The following PLCH1 variants were observed in gnomAD, a reference collection of about 807,000 sequenced individuals.
The protein encoded by PLCH1 is phospholipase C eta 1.
PLCH1 carries 60 observed loss-of-function variants against 126.7 expected under a neutral mutation model. The observed-to-expected ratio is 0.47, with a 90% CI of 0.38 to 0.59. The LOEUF is 0.59. PLCH1 is among the 20% of genes least tolerant of loss of function. The probability of loss-of-function intolerance (pLI) is 0.00; values close to 1 mark genes in which losing one functional copy is unlikely to be tolerated. For missense variants in PLCH1, 1,723 were observed against 2,040.0 expected (o/e 0.84, Z 2.99); for synonymous variants, 719 against 734.9 (o/e 0.98, Z 0.35).
chr3:155,562,047 C>T (rs960443473), intron 8 of PLCH1, among the ~76,000 whole-genome samples: 58 of 152,324 alleles, frequency 3.8e-4, no homozygotes, highest in African/African-American at 1.4e-3. Context: ...TCCTAAAGTG[C>T]TGGGATTACA....
intron 21 of PLCH1, among the ~76,000 whole-genome samples, chr3:155,463,427 A>T (rs1259174975): frequency 6.6e-6 from 1 of 152,214 alleles, no homozygotes; most frequent in Admixed American, 6.5e-5. Context: ...TACCTAGCCC[A>T]GACTAGATGT....
At chr3:155,560,060 T>C (rs1577011440) in intron 8 of PLCH1, among the ~76,000 whole-genome samples, 1 of 152,046 alleles carries the variant, frequency 6.6e-6, no homozygotes, top group South Asian at 2.1e-4. Flanking sequence ...TTTGGACAGG[T>C]AAACCAAAAA....
intron 1 of PLCH1, among the ~76,000 whole-genome samples, chr3:155,714,136 G>A (rs913767492): frequency 6.6e-6 from 1 of 152,160 alleles, no homozygotes; most frequent in African/African-American, 2.4e-5. Context: ...CTGACATAAC[G>A]TATGTTTGGG....
At chr3:155,545,020 C>T (rs1725009303) in intron 10 of PLCH1, among the ~76,000 whole-genome samples, 5 of 147,808 alleles carry the variant, frequency 3.4e-5, no homozygotes, top group African/African-American at 1.2e-4. Context: ...TAGCAGAAGG[C>T]AAGAAATAAC....
At chr3:155,537,210 A>C (rs1402581864) in intron 10 of PLCH1, among the ~76,000 whole-genome samples, 45 of 6,738 alleles carry the variant, frequency 6.7e-3, no homozygotes, top group East Asian at 0.027. Flanking sequence ...ACCAAAAAAA[A>C]AAAAAAAAAA....
intron 2 of PLCH1, among the ~76,000 whole-genome samples, chr3:155,697,691 G>C (rs935134490): frequency 1.5e-4 from 23 of 152,326 alleles, no homozygotes; most frequent in African/African-American, 5.5e-4. Flanking sequence ...GCAGGAGCCA[G>C]ACAGTTGCCC....
chr3:155,554,243 T>A, intron 8 of PLCH1, 47 bp from the exon 9 acceptor site: 1 of 1,580,662 alleles, frequency 6.3e-7, no homozygotes, highest in Non-Finnish European at 8.6e-7. Context: ...TCTCTGGTGT[T>A]TATTAATATT....
At chr3:155,500,044 T>C (rs1296671450) in intron 14 of PLCH1, among the ~76,000 whole-genome samples, 3 of 152,118 alleles carry the variant, frequency 2.0e-5, no homozygotes, top group African/African-American at 7.2e-5. Flanking sequence ...CTAATATATA[T>C]AATTTATATT....
At chr3:155,613,634 C>T (rs1735421812) in intron 2 of PLCH1, among the ~76,000 whole-genome samples, 2 of 152,058 alleles carry the variant, frequency 1.3e-5, no homozygotes, top group African/African-American at 2.4e-5. Context: ...GCAAAACTGC[C>T]GTAGAAGGGA....
intron 2 of PLCH1, among the ~76,000 whole-genome samples, chr3:155,623,563 T>C (rs1229868653): frequency 6.6e-6 from 1 of 152,046 alleles, no homozygotes; most frequent in East Asian, 1.9e-4. Context: ...TAATAAAAAA[T>C]GATAAAGGGG....
intron 2 of PLCH1, among the ~76,000 whole-genome samples, chr3:155,703,929 GA>G (rs1458511629): frequency 6.6e-6 from 1 of 152,176 alleles, no homozygotes; most frequent in African/African-American, 2.4e-5. Context: ...AATAGAAAGA[GA>G]TAACACTATT....
rs1229612923 is a variant in PLCH1, at chr3:155,588,981, G to A, written c.471-2787C>T. Among the ~76,000 whole-genome samples, 5 of 152,186 alleles carry A rather than the reference G, an allele frequency of 3.3e-5. No homozygotes were observed. The East Asian group carries it at 5.8e-4, about 18-fold the overall frequency. On this transcript the variant is annotated intron_variant, in intron 4 of 22. Coordinates refer to ENST00000460012, the MANE Select transcript of PLCH1 (RefSeq NM_014996.4). ...GGTAAAAATGTCCTGATATCTTAAA[G>A]ATGTTCTTCATAATTAAGATATGAG...
At chr3:155,486,509 G>GTTTTTT (rs1560053747) in intron 21 of PLCH1, among the ~76,000 whole-genome samples, 1 of 130,764 alleles carries the variant, frequency 7.6e-6, no homozygotes, top group African/African-American at 2.9e-5. Context: ...TCTGGCTCAA[G>GTTTTTT]TTTGTTTTTT....
chr3:155,494,121 A>G lies in PLCH1; in HGVS notation c.2182+20T>C, dbSNP rs764422248. Reference sequence around the variant, plus strand: ...AAATTAACACACACCTGCATTTATGACTATGAAATTAATACACACCTTTGC... The same window carrying G: ...AAATTAACACACACCTGCATTTATGGCTATGAAATTAATACACACCTTTGC... On this transcript the variant is annotated intron_variant, in intron 17 of 22. Transcript: ENST00000460012. 1 of 1,559,880 alleles carries G rather than the reference A, an allele frequency of 6.4e-7. No homozygotes were observed. The highest frequency in any genetic ancestry group is 1.1e-5 in the South Asian group (1 of 90,034).
At chr3:155,647,235 C>G (rs1740162871) in intron 2 of PLCH1, among the ~76,000 whole-genome samples, 1 of 151,976 alleles carries the variant, frequency 6.6e-6, no homozygotes, top group African/African-American at 2.4e-5. Context: ...TATTCTTAAC[C>G]TGAGAGTCAA....
chr3:155,482,544 G>A lies in PLCH1; in HGVS notation c.3482C>T (p.Thr1161Ile). The A allele has an allele frequency of 6.2e-7, 1 of 1,614,216 alleles. No individual in the cohort carries two copies. Among genetic ancestry groups the A allele is most frequent in the Non-Finnish European group, 8.5e-7 (1 of 1,180,038 alleles). ...AATTACACTCTCCTGCAGAATTGCA[G>A]TTGAATGTAGGTCAGGTATGTCAGA... ...LCSDIPDLHS[T>I]AILQESVISH... Residue 1161 changes from threonine (T) to isoleucine (I), a missense_variant, in exon 23 of 23, where the codon ACT (threonine) becomes ATT (isoleucine). This residue lies in a region of PLCH1 where 947 missense variants were observed against 977.1 expected (regional missense o/e 0.97). Transcript: ENST00000460012.
chr3:155,601,428 G>A (rs1194998265), intron 2 of PLCH1, among the ~76,000 whole-genome samples: 2 of 151,972 alleles, frequency 1.3e-5, no homozygotes, highest in East Asian at 3.9e-4. Flanking sequence ...CTTTGGATTT[G>A]AAGTAACATA....
At chr3:155,512,578 C>T (rs1160712976) in intron 12 of PLCH1, among the ~76,000 whole-genome samples, 2 of 151,990 alleles carry the variant, frequency 1.3e-5, no homozygotes, top group African/African-American at 2.4e-5. Flanking sequence ...ATGGGGAAGA[C>T]GAAGTGTACT....
Position 155,482,701 on chromosome 3 carries a change from C to T in PLCH1, c.3325G>A (p.Val1109Met). Reference sequence around the variant, plus strand: ...CCTGACAAGATGCTTTTCCCTTCCACAAAGTCCTCAGGATTACCCTTTTCC... The same window carrying T: ...CCTGACAAGATGCTTTTCCCTTCCATAAAGTCCTCAGGATTACCCTTTTCC... ...IKEKGNPEDF[V>M]EGKSILSGSV... Residue 1109 changes from valine (V) to methionine (M), a missense_variant, in exon 23 of 23, where the codon GTG becomes ATG. Around this residue, in one of 2 missense-constraint regions of PLCH1, gnomAD observed 947 missense variants for 977.1 expected, o/e 0.97. Transcript: ENST00000460012. 1 of 1,614,206 alleles carries T rather than the reference C, an allele frequency of 6.2e-7. No individual in the cohort carries two copies. Among genetic ancestry groups the T allele is most frequent in the Non-Finnish European group, 8.5e-7 (1 of 1,180,046 alleles).
Sources: allele counts gnomAD v4.1 joint callset (sites outside exome capture counted in the v4.1 genomes callset), GRCh38; gene constraint gnomAD v4.1.1; regional missense constraint gnomAD v4.1.1; transcripts MANE v1.5; gene names NCBI Gene and HGNC (gene_info 2026-07-23, HGNC 2026-07-21).